The following FRAS1 variants were observed in gnomAD, a reference collection of about 807,000 sequenced individuals.
The protein encoded by FRAS1 is Fraser extracellular matrix complex subunit 1.
FRAS1 carries 290 observed loss-of-function variants against 435.2 expected under a neutral mutation model. The observed-to-expected ratio is 0.67, with a 90% CI of 0.61 to 0.73. The LOEUF (loss-of-function observed/expected upper bound fraction) is 0.73. Among genes scored for constraint, FRAS1 ranks in the 30% least tolerant of loss-of-function variants. The probability of loss-of-function intolerance (pLI) is 0.00; values close to 1 mark genes in which losing one functional copy is unlikely to be tolerated. For missense variants in FRAS1, 4,860 were observed against 5,001.5 expected (o/e 0.97, Z 0.85); for synonymous variants, 1,800 against 1,851.0 (o/e 0.97, Z 0.71).
chr4:78,475,049 C>T (rs1330264145), intron 53 of FRAS1, among the ~76,000 whole-genome samples: 1 of 152,192 alleles, frequency 6.6e-6, no homozygotes, highest in Non-Finnish European at 1.5e-5. Flanking sequence ...TCATTGATTG[C>T]CTTCAGAGCA....
rs762909923 is a variant in FRAS1, at chr4:78,065,081, T to TATATACACACACAC, written c.77-901_77-900insTACACACACACATA. On this transcript the variant is annotated intron_variant, in intron 1 of 73. Coordinates refer to ENST00000512123, the MANE Select transcript of FRAS1 (RefSeq NM_025074.7). Reference sequence around the variant, plus strand: ...GTGTATATATATATATATATATATATATACATACACACACACACACTAAAT... The same window carrying TATATACACACACAC: ...GTGTATATATATATATATATATATATATATACACACACACATACATACACACACACACACTAAAT... 2.4e-4 allele frequency among the ~76,000 whole-genome samples: 30 copies of TATATACACACACAC among 125,686 alleles called. No individual in the cohort carries two copies. In the East Asian group the frequency reaches 3.0e-3, roughly 12 times the overall value. 82.5% of individuals were successfully genotyped at this position (125,686 alleles called of 152,430 possible).
At chr4:78,261,231 T>C (rs1726085681) in intron 6 of FRAS1, among the ~76,000 whole-genome samples, 1 of 152,168 alleles carries the variant, frequency 6.6e-6, no homozygotes, top group Non-Finnish European at 1.5e-5. Flanking sequence ...TTTTTTATCC[T>C]GTTGATTTTT....
intron 2 of FRAS1, among the ~76,000 whole-genome samples, chr4:78,184,765 C>T (rs985760815): frequency 6.6e-6 from 1 of 152,160 alleles, no homozygotes; most frequent in Admixed American, 6.5e-5. Context: ...TTATAAAGGC[C>T]CACCTGATTA....
At chr4:78,112,374 T>A (rs1382332245) in intron 2 of FRAS1, among the ~76,000 whole-genome samples, 1 of 152,170 alleles carries the variant, frequency 6.6e-6, no homozygotes, top group Non-Finnish European at 1.5e-5. Flanking sequence ...AATCTGTAGA[T>A]CTGGAGATTC....
At chr4:78,186,492 A>G (rs17003033) in intron 2 of FRAS1, among the ~76,000 whole-genome samples, 7,752 of 152,280 alleles carry the variant, frequency 0.051, 651 homozygotes, top group African/African-American at 0.18. Context: ...CATGAGGCTT[A>G]TTAGCATTTG....
chr4:78,179,932 T>G (rs1380197119), intron 2 of FRAS1, among the ~76,000 whole-genome samples: 1 of 152,200 alleles, frequency 6.6e-6, no homozygotes, highest in Non-Finnish European at 1.5e-5. Context: ...CTCTTATATA[T>G]ATGAAGCTTG....
chr4:78,129,453 G>A (rs1407158616), intron 2 of FRAS1, among the ~76,000 whole-genome samples: 1 of 152,140 alleles, frequency 6.6e-6, no homozygotes, highest in African/African-American at 2.4e-5. Flanking sequence ...GTAAATCCAT[G>A]GGCAATACAG....
intron 26 of FRAS1, among the ~76,000 whole-genome samples, chr4:78,378,218 A>T (rs1054567616): frequency 6.6e-6 from 1 of 152,144 alleles, no homozygotes; most frequent in Non-Finnish European, 1.5e-5. Context: ...TAATATTTTC[A>T]AGGTTCATCC....
chr4:78,193,599 T>C (rs985980429), intron 2 of FRAS1, among the ~76,000 whole-genome samples: 20 of 152,084 alleles, frequency 1.3e-4, no homozygotes, highest in Admixed American at 1.3e-3. Context: ...GCAACCCCTG[T>C]CTTTTTTTGT....
chr4:78,118,044 T>C (rs925872575), intron 2 of FRAS1, among the ~76,000 whole-genome samples: 2 of 152,252 alleles, frequency 1.3e-5, no homozygotes, highest in African/African-American at 4.8e-5. Context: ...GTTTTCCTTC[T>C]AACAGTCAGG....
chr4:78,480,956 G>A (rs958278826), intron 56 of FRAS1, among the ~76,000 whole-genome samples: 4 of 152,194 alleles, frequency 2.6e-5, no homozygotes, highest in Non-Finnish European at 5.9e-5. Context: ...TTATATAAAA[G>A]AGCAAATGGA....
chr4:78,314,864 C>G (rs756410766), intron 15 of FRAS1, among the ~76,000 whole-genome samples: 6 of 151,206 alleles, frequency 4.0e-5, no homozygotes, highest in African/African-American at 7.4e-5. Flanking sequence ...TACCCCCACC[C>G]TCACATTTTT....
At chr4:78,099,917 T>C (rs1259478189) in intron 2 of FRAS1, among the ~76,000 whole-genome samples, 1 of 152,124 alleles carries the variant, frequency 6.6e-6, no homozygotes, top group Admixed American at 6.5e-5. Context: ...TTCTTGAGGA[T>C]CTAGAAAAGG....
intron 20 of FRAS1, among the ~76,000 whole-genome samples, chr4:78,362,477 G>C (rs1461549000): frequency 6.6e-6 from 1 of 152,226 alleles, no homozygotes; most frequent in Non-Finnish European, 1.5e-5. Context: ...GCCACTCCGG[G>C]CATTGACACA....
chr4:78,167,294 G>A (rs1721369855), intron 2 of FRAS1, among the ~76,000 whole-genome samples: 1 of 152,026 alleles, frequency 6.6e-6, no homozygotes, highest in Admixed American at 6.6e-5. Flanking sequence ...CCTACTTCTG[G>A]GAGCTCACAG....
chr4:78,113,296 A>T (rs1742874357), intron 2 of FRAS1, among the ~76,000 whole-genome samples: 1 of 152,208 alleles, frequency 6.6e-6, no homozygotes, highest in Admixed American at 6.5e-5. Context: ...ATAAGTGTGC[A>T]CGTGTCTTTA....
At chr4:78,381,692 C>A (rs1055677376) in intron 27 of FRAS1, among the ~76,000 whole-genome samples, 1 of 152,180 alleles carries the variant, frequency 6.6e-6, no homozygotes, top group East Asian at 1.9e-4. Flanking sequence ...CGTAAAGCTT[C>A]GTAGACAACC....
At chr4:78,128,581 A>G (rs943395340) in intron 2 of FRAS1, among the ~76,000 whole-genome samples, 15 of 151,980 alleles carry the variant, frequency 9.9e-5, no homozygotes, top group African/African-American at 3.6e-4. Context: ...CATATCCTTC[A>G]CCCACTTGTT....
intron 2 of FRAS1, among the ~76,000 whole-genome samples, chr4:78,087,548 C>G (rs778996816): frequency 5.0e-4 from 76 of 152,296 alleles, no homozygotes; most frequent in Non-Finnish European, 9.3e-4. Flanking sequence ...CCCAAAATCT[C>G]CTTAAGCTGA....
Sources: gnomAD v4.1 joint callset for allele counts (sites outside exome capture counted in the v4.1 genomes callset) on GRCh38, gnomAD v4.1.1 for gene constraint, MANE v1.5 for transcripts, NCBI Gene and HGNC (gene_info 2026-07-23, HGNC 2026-07-21) for gene names.